Variants in CERS6 observed in about 807,000 individuals in gnomAD.
CERS6 encodes LAG1 homolog, ceramide synthase 6.
Under a neutral mutation model 56.8 loss-of-function variants are expected in CERS6, and 26 were observed. The ratio of observed to expected loss-of-function variants is 0.46; its 90% confidence interval spans 0.34 to 0.63. The LOEUF is 0.63. CERS6 is among the 30% of genes least tolerant of loss of function. The pLI is 0.01. For missense variants in CERS6, 415 were observed against 467.5 expected (o/e 0.89, Z 1.04); for synonymous variants, 164 against 173.3 (o/e 0.95, Z 0.42).
intron 8 of CERS6, among the ~76,000 whole-genome samples, chr2:168,721,284 CTTCA>C (rs1223738113): frequency 3.3e-5 from 5 of 152,136 alleles, no homozygotes; most frequent in Non-Finnish European, 5.9e-5. Flanking sequence ...TGTATCAGTA[CTTCA>C]TTCTTTCTTA....
intron 1 of CERS6, among the ~76,000 whole-genome samples, chr2:168,487,371 A>G (rs1041843291): frequency 2.0e-5 from 3 of 152,214 alleles, no homozygotes; most frequent in African/African-American, 7.2e-5. Flanking sequence ...CTACTATTTT[A>G]AAGAAATGAC....
intron 8 of CERS6, among the ~76,000 whole-genome samples, chr2:168,744,714 A>C (rs1279046839): frequency 1.3e-5 from 2 of 152,260 alleles, no homozygotes; most frequent in Non-Finnish European, 2.9e-5. Context: ...TCAGGCACAC[A>C]CAATCATAAA....
intron 3 of CERS6, among the ~76,000 whole-genome samples, chr2:168,579,489 A>C (rs1181994335): frequency 6.6e-6 from 1 of 152,120 alleles, no homozygotes; most frequent in Non-Finnish European, 1.5e-5. Flanking sequence ...CTTGCGTGCC[A>C]TGCTCTAGTA....
rs79824145 is a variant in CERS6, at chr2:168,511,606, T to C, written c.171-35990T>C. On this transcript the variant is annotated intron_variant, in intron 1 of 9. Transcript: ENST00000305747. Reference sequence around the variant, plus strand: ...GGACTTAGAAACCTCAGCTTTGGGCTATATTCTGGTGTTAATTCTTTGAAA... The same window carrying C: ...GGACTTAGAAACCTCAGCTTTGGGCCATATTCTGGTGTTAATTCTTTGAAA... 6.6e-3 allele frequency among the ~76,000 whole-genome samples: 998 copies of C among 152,350 alleles called. 6 individuals are homozygous for C. The highest frequency in any genetic ancestry group is 0.01 in the Non-Finnish European group (688 of 68,026).
Position 168,557,681 on chromosome 2 carries a change from T to C in CERS6, c.277-3511T>C, listed in dbSNP as rs1024142404. Among the ~76,000 whole-genome samples the C allele has an allele frequency of 5.6e-4, 86 of 152,286 alleles. 1 individual carries two copies. Among genetic ancestry groups the C allele is most frequent in the African/African-American group, 1.9e-3 (80 of 41,572 alleles). ...ATAAAAATCAAAACCCTACATTTAT[T>C]AAAAGGAAACCTGGGAGAATCTTTT... On this transcript the variant is annotated intron_variant, in intron 2 of 9. Transcript: ENST00000305747.
intron 1 of CERS6, among the ~76,000 whole-genome samples, chr2:168,545,639 T>G (rs1377501): frequency 0.93 from 141,557 of 152,186 alleles, 66,254 homozygotes; most frequent in Non-Finnish European, 0.99. Flanking sequence ...TAACTTGTCC[T>G]CAGCACTCAA....
At chr2:168,647,100 T>C (rs1288758192) in intron 4 of CERS6, among the ~76,000 whole-genome samples, 1 of 152,222 alleles carries the variant, frequency 6.6e-6, no homozygotes, top group Non-Finnish European at 1.5e-5. Flanking sequence ...GGAATAATAT[T>C]GAACCGGTAA....
chr2:168,465,236 A>G (rs1693850093), intron 1 of CERS6, among the ~76,000 whole-genome samples: 1 of 152,234 alleles, frequency 6.6e-6, no homozygotes, highest in Non-Finnish European at 1.5e-5. Flanking sequence ...TAAGCAAGAG[A>G]AATTTATTGC....
intron 1 of CERS6, among the ~76,000 whole-genome samples, chr2:168,486,974 T>C (rs975562893): frequency 6.6e-6 from 1 of 152,168 alleles, no homozygotes; most frequent in Non-Finnish European, 1.5e-5. Flanking sequence ...TTTTTTTCAG[T>C]GTGACTTCCA....
chr2:168,588,354 T>C lies in CERS6; in HGVS notation c.407+27032T>C, dbSNP rs114635860. ...TGCAACCATCACCACCATCCATCTC[T>C]AGAACTCTTTTTATCTTGCAAAACT... On this transcript the variant is annotated intron_variant, in intron 3 of 9. Transcript: ENST00000305747. Among the ~76,000 whole-genome samples, 666 of 152,244 alleles carry C rather than the reference T, an allele frequency of 4.4e-3. 7 individuals carry two copies. Among genetic ancestry groups the C allele is most frequent in the African/African-American group, 0.015 (621 of 41,538 alleles).
At chr2:168,742,684 C>T (rs1484998422) in intron 8 of CERS6, among the ~76,000 whole-genome samples, 1 of 152,198 alleles carries the variant, frequency 6.6e-6, no homozygotes, top group Non-Finnish European at 1.5e-5. Flanking sequence ...CTAATACCAA[C>T]ACCCACAGGT....
intron 8 of CERS6, among the ~76,000 whole-genome samples, chr2:168,756,211 A>C (rs566455042): frequency 3.8e-4 from 58 of 152,216 alleles, no homozygotes; most frequent in Non-Finnish European, 6.9e-4. Context: ...TGGAAAAGTA[A>C]GTCCCTGGAA....
intron 4 of CERS6, among the ~76,000 whole-genome samples, chr2:168,654,078 CA>C (rs1289740685): frequency 1.3e-5 from 2 of 152,030 alleles, no homozygotes; most frequent in Non-Finnish European, 2.9e-5. Flanking sequence ...TCTCAGGAAT[CA>C]AAAGACATCA....
chr2:168,567,939 T>C (rs771928022), intron 3 of CERS6, among the ~76,000 whole-genome samples: 3 of 152,208 alleles, frequency 2.0e-5, no homozygotes, highest in Non-Finnish European at 4.4e-5. Flanking sequence ...CTATGGACAG[T>C]CTGCTCTTTT....
At chr2:168,725,909 G>A (rs1190630574) in intron 8 of CERS6, among the ~76,000 whole-genome samples, 2 of 152,148 alleles carry the variant, frequency 1.3e-5, no homozygotes, top group African/African-American at 4.8e-5. Context: ...GATCCTTTTT[G>A]AGAGTAAATC....
chr2:168,619,724 G>A (rs566858711), intron 3 of CERS6, among the ~76,000 whole-genome samples: 13 of 151,830 alleles, frequency 8.6e-5, no homozygotes, highest in South Asian at 4.2e-4. Flanking sequence ...AGATGGATGC[G>A]GTGAATAGGG....
intron 1 of CERS6, among the ~76,000 whole-genome samples, chr2:168,538,467 C>T (rs1311891348): frequency 6.6e-6 from 1 of 152,186 alleles, no homozygotes; most frequent in Non-Finnish European, 1.5e-5. Context: ...TTTCTAGTTT[C>T]TTTCCTTACT....
chr2:168,499,210 A>T (rs1236924291), intron 1 of CERS6, among the ~76,000 whole-genome samples: 2 of 152,176 alleles, frequency 1.3e-5, no homozygotes, highest in East Asian at 3.9e-4. Context: ...TGTAGGCCAG[A>T]CTGGAATGGA....
rs150724635 is a variant in CERS6, at chr2:168,520,598, C to CTTTTTTTT, written c.171-26976_171-26969dup. Reference sequence around the variant, plus strand: ...TTAACTCTTTAACATTTACAATATCCTTTTTTTTTTTTTTTTTTTTTTTTT... The same window carrying CTTTTTTTT: ...TTAACTCTTTAACATTTACAATATCCTTTTTTTTTTTTTTTTTTTTTTTTTTTTTTTTT... On this transcript the variant is annotated intron_variant, in intron 1 of 9. Coordinates refer to ENST00000305747, the MANE Select transcript of CERS6 (RefSeq NM_203463.3). Among the ~76,000 whole-genome samples, 261 of 57,898 alleles carry CTTTTTTTT rather than the reference C, an allele frequency of 4.5e-3. 33 individuals are homozygous for CTTTTTTTT. Among genetic ancestry groups the CTTTTTTTT allele is most frequent in the Middle Eastern group, 0.037 (2 of 54 alleles). The allele number at this position is 57,898 out of a possible 152,430, so 38.0% of individuals were successfully genotyped here.
Sources: allele counts gnomAD v4.1 joint callset (sites outside exome capture counted in the v4.1 genomes callset), GRCh38; gene constraint gnomAD v4.1.1; transcripts MANE v1.5; gene names NCBI Gene and HGNC (gene_info 2026-07-23, HGNC 2026-07-21).